CHUK: variants seen among roughly 807,000 people sequenced by gnomAD.
CHUK encodes inhibitor of nuclear factor kappa-B kinase subunit alpha.
In CHUK, 35 loss-of-function variants were observed where a neutral mutation model predicts 104.8. The observed-to-expected ratio is 0.33, with a 90% CI of 0.26 to 0.44. The LOEUF (loss-of-function observed/expected upper bound fraction) is 0.44, where lower values mean the gene tolerates loss of function less well. Ranked by LOEUF, CHUK falls within the 20% of genes least tolerant of loss-of-function variation. The pLI is 1.00. For missense variants in CHUK, 663 were observed against 902.7 expected, an observed-to-expected ratio of 0.73 and a Z score of 3.40; for synonymous variants, 276 against 291.9, an observed-to-expected ratio of 0.95 and a Z score of 0.56.
chr10:100,186,769 T>C (rs892912992), downstream of CHUK: 8 of 152,190 alleles, frequency 5.3e-5, no homozygotes, highest in Non-Finnish European at 8.8e-5. Flanking sequence ...AAGGTATAGT[T>C]GGGAGATAGA....
intron 13 of CHUK, among the ~76,000 whole-genome samples, chr10:100,203,699 G>A (rs1339347803): frequency 6.6e-6 from 1 of 152,008 alleles, no homozygotes; most frequent in East Asian, 1.9e-4. Context: ...TACATCTGAA[G>A]GAGATAAGCT....
intron 9 of CHUK, among the ~76,000 whole-genome samples, chr10:100,216,601 G>A (rs1564839020): frequency 6.6e-6 from 1 of 152,178 alleles, no homozygotes; most frequent in Non-Finnish European, 1.5e-5. Flanking sequence ...TTACTCTGGA[G>A]GCTGAAGCAG....
intron 19 of CHUK, among the ~76,000 whole-genome samples, chr10:100,191,928 G>A (rs1032042766): frequency 3.9e-5 from 6 of 152,142 alleles, no homozygotes; most frequent in Admixed American, 6.5e-5. Flanking sequence ...AGACCAGCCT[G>A]GCCAACATGG....
In CHUK at chr10:100,199,973, G is replaced by A; in HGVS notation, c.1727C>T (p.Ser576Leu). ...DLYKQLKHRP[S>L]DHSYSDSTEM... is the part of the protein sequence containing the mutation. ...GCACTGTGGTAGAAGTGTCTTACCTGAAGGTCTGTGTTTTAACTGCTTATA... is the reference window on the plus strand; with the variant it reads ...GCACTGTGGTAGAAGTGTCTTACCTAAAGGTCTGTGTTTTAACTGCTTATA... The change falls in exon 16 of 21, where the codon TCA (serine) becomes TTA (leucine). Residue 576 changes from serine to leucine, a missense_variant and splice_region_variant. Coordinates refer to ENST00000370397, the MANE Select transcript of CHUK (RefSeq NM_001278.5). 1 of 1,609,526 alleles carries A rather than the reference G, an allele frequency of 6.2e-7. No individual in the cohort carries two copies. The highest frequency in any genetic ancestry group is 8.5e-7 in the Non-Finnish European group (1 of 1,175,936).
intron 13 of CHUK, 116 bp downstream of exon 13, chr10:100,204,390 T>C (rs1845540750): frequency 2.4e-6 from 2 of 833,718 alleles, no homozygotes; most frequent in African/African-American, 3.3e-5. Flanking sequence ...TAAGTTGTCC[T>C]GTCTCTTGTT....
At chr10:100,227,314 C>T (rs918222173) in intron 1 of CHUK, among the ~76,000 whole-genome samples, 17 of 152,120 alleles carry the variant, frequency 1.1e-4, no homozygotes, top group Admixed American at 7.9e-4. Flanking sequence ...TGTACAACAA[C>T]GTCAATGTAC....
At chr10:100,228,033 T>C (rs1846143260) in intron 1 of CHUK, among the ~76,000 whole-genome samples, 1 of 152,190 alleles carries the variant, frequency 6.6e-6, no homozygotes. Context: ...ATGAGGAGCA[T>C]TATGATCATA....
chr10:100,223,136 G>T (rs567613473), intron 2 of CHUK, among the ~76,000 whole-genome samples, 156 bp from the exon 3 acceptor site: 3 of 152,218 alleles, frequency 2.0e-5, no homozygotes, highest in African/African-American at 7.2e-5. Flanking sequence ...TTAAAAATTA[G>T]TAATTTTTTA....
intron 4 of CHUK, among the ~76,000 whole-genome samples, 155 bp downstream of exon 4, chr10:100,221,957 A>G (rs1845998111): frequency 6.6e-6 from 1 of 152,244 alleles, no homozygotes; most frequent in African/African-American, 2.4e-5. Flanking sequence ...GTTTTAATTT[A>G]GCATCAATAG....
At chr10:100,201,163 A>G (rs1004151810) in intron 14 of CHUK, among the ~76,000 whole-genome samples, 6 of 152,150 alleles carry the variant, frequency 3.9e-5, no homozygotes, top group Non-Finnish European at 8.8e-5. Context: ...CACTACCTTG[A>G]ATAGGGACAC....
At chr10:100,199,821 T>C in intron 16 of CHUK, 150 bp downstream of exon 16, 1 of 684,454 alleles carries the variant, frequency 1.5e-6, no homozygotes, top group South Asian at 1.7e-5. Flanking sequence ...TAAAGCTTAT[T>C]ATACCATGTC....
intron 5 of CHUK, 26 bp downstream of exon 5, chr10:100,220,562 G>T: frequency 6.7e-7 from 1 of 1,482,414 alleles, no homozygotes; most frequent in Non-Finnish European, 9.4e-7. Context: ...CAATAGGCAT[G>T]AAACATTACT....
chr10:100,196,669 A>T (rs1432115780), intron 16 of CHUK, among the ~76,000 whole-genome samples: 1 of 152,154 alleles, frequency 6.6e-6, no homozygotes, highest in Non-Finnish European at 1.5e-5. Flanking sequence ...CCAAAGCGCT[A>T]GTATCACAGG....
At chr10:100,208,782 T>TTAAAAAAA (rs567080277) in intron 10 of CHUK, among the ~76,000 whole-genome samples, 9 of 125,528 alleles carry the variant, frequency 7.2e-5, no homozygotes, top group African/African-American at 2.9e-4. Flanking sequence ...CAAGACTGTC[T>TTAAAAAAA]AAAAAAAAAA....
chr10:100,198,044 A>T (rs1312192047), intron 16 of CHUK, among the ~76,000 whole-genome samples: 2 of 152,206 alleles, frequency 1.3e-5, no homozygotes, highest in Non-Finnish European at 2.9e-5. Context: ...TTTTGCTTGA[A>T]ACATGGAATT....
chr10:100,225,892 C>G (rs1846093674), intron 2 of CHUK, 31 bp downstream of exon 2: 1 of 1,279,426 alleles, frequency 7.8e-7, no homozygotes. Flanking sequence ...GCTGTAGAAC[C>G]AGGGAAATGT....
At chr10:100,227,028 G>A (rs1846121198) in intron 1 of CHUK, among the ~76,000 whole-genome samples, 1 of 152,162 alleles carries the variant, frequency 6.6e-6, no homozygotes, top group Admixed American at 6.5e-5. Flanking sequence ...TTATGAGCAG[G>A]TGACCAGTTA....
intron 13 of CHUK, among the ~76,000 whole-genome samples, chr10:100,203,586 G>A (rs555245827): frequency 6.6e-6 from 1 of 152,066 alleles, no homozygotes; most frequent in South Asian, 2.1e-4. Flanking sequence ...ACAAGTATTT[G>A]TTTCCTAAAA....
intron 16 of CHUK, among the ~76,000 whole-genome samples, chr10:100,197,526 A>G (rs1029769940): frequency 6.6e-6 from 1 of 152,150 alleles, no homozygotes; most frequent in African/African-American, 2.4e-5. Context: ...ATTTAAAAAT[A>G]CTCGTGTCTT....
Sources: allele counts gnomAD v4.1 joint callset (sites outside exome capture counted in the v4.1 genomes callset), GRCh38; gene constraint gnomAD v4.1.1; transcripts MANE v1.5; gene names NCBI Gene and HGNC (gene_info 2026-07-23, HGNC 2026-07-21).